CDK6: variants seen among roughly 807,000 people sequenced by gnomAD.
CDK6 encodes cyclin dependent kinase 6.
In CDK6, 6 loss-of-function variants were observed where a neutral mutation model predicts 37.1. The ratio of observed to expected loss-of-function variants is 0.16; its 90% CI spans 0.09 to 0.32. The LOEUF (loss-of-function observed/expected upper bound fraction) is 0.32, where lower values mean the gene tolerates loss of function less well. Among genes scored for constraint, CDK6 ranks in the 10% least tolerant of loss-of-function variants. CDK6 has a pLI of 1.00. For synonymous variants in CDK6, 160 were observed against 161.3 expected, an observed-to-expected ratio of 0.99 and a Z score of 0.06; for missense variants, 224 against 418.9, an observed-to-expected ratio of 0.53 and a Z score of 4.06.
Position 92,835,804 on chromosome 7 carries a change from C to G in CDK6, c.-368+674G>C, listed in dbSNP as rs1480397973. On this transcript the variant is annotated intron_variant, in intron 1 of 7. Coordinates refer to ENST00000424848, the MANE Select transcript of CDK6 (RefSeq NM_001145306.2). This position sits in a 1 kb window ranked among gnomAD's most constrained non-coding sequence, Gnocchi z 4.2. Reference sequence around the variant, plus strand: ...GGGCGCGCTGCGGGGACCAGGGCTGCTCACTGCGGGGCGTGTGTTTAACTC... The same window carrying G: ...GGGCGCGCTGCGGGGACCAGGGCTGGTCACTGCGGGGCGTGTGTTTAACTC... Among the ~76,000 whole-genome samples, 2 of 152,250 alleles carry G rather than the reference C, an allele frequency of 1.3e-5. No homozygotes were observed. Among genetic ancestry groups the G allele is most frequent in the African/African-American group, 2.4e-5 (1 of 41,468 alleles).
intron 2 of CDK6, among the ~76,000 whole-genome samples, chr7:92,807,569 T>C (rs1800760521): frequency 1.3e-5 from 2 of 151,778 alleles, no homozygotes; most frequent in South Asian, 4.1e-4. Context: ...ATATAATAGG[T>C]ATAGATATAA....
At chr7:92,718,256 C>G (rs1798278510) in intron 4 of CDK6, among the ~76,000 whole-genome samples, 1 of 152,178 alleles carries the variant, frequency 6.6e-6, no homozygotes, top group Admixed American at 6.5e-5. Context: ...GTCACAGGAG[C>G]CCTTCCTGCT....
chr7:92,644,250 G>A (rs1796388093), intron 5 of CDK6, among the ~76,000 whole-genome samples: 1 of 152,100 alleles, frequency 6.6e-6, no homozygotes, highest in South Asian at 2.1e-4. Flanking sequence ...GGAGACCTAG[G>A]GTCCCTTTCT....
At chr7:92,799,395 A>C (rs562326987) in intron 2 of CDK6, among the ~76,000 whole-genome samples, 1 of 152,078 alleles carries the variant, frequency 6.6e-6, no homozygotes, top group African/African-American at 2.4e-5. Flanking sequence ...CTTCCCTGAG[A>C]GTTTTCTTTT....
chr7:92,785,148 G>A (rs1800093147), intron 2 of CDK6, among the ~76,000 whole-genome samples: 1 of 152,158 alleles, frequency 6.6e-6, no homozygotes, highest in African/African-American at 2.4e-5. Flanking sequence ...TCCATCAACT[G>A]ATGAATGCAT....
chr7:92,633,982 A>G (rs1293435494), intron 5 of CDK6, among the ~76,000 whole-genome samples: 1 of 152,100 alleles, frequency 6.6e-6, no homozygotes, highest in Non-Finnish European at 1.5e-5. Context: ...CATTTTCTCC[A>G]AGATTATCAC....
chr7:92,705,752 G>A (rs1797950951), intron 4 of CDK6, among the ~76,000 whole-genome samples: 1 of 152,042 alleles, frequency 6.6e-6, no homozygotes. Context: ...ATCCTGAATT[G>A]GGCACTAGAT....
At position 92,833,649 on chromosome 7, in the gene CDK6, A is replaced by G. The variant is rs1191971207; in HGVS notation, c.-326T>C. The G allele has an allele frequency of 1.2e-5, 6 of 496,442 alleles. No homozygotes were observed. The highest frequency in any genetic ancestry group is 1.7e-5 in the Non-Finnish European group (5 of 286,160). 30.8% of individuals were successfully genotyped at this position (496,442 alleles called of 1,614,324 possible). On this transcript the variant is annotated 5_prime_UTR_variant, in exon 2 of 8. The change abolishes an upstream ATG in the 5' untranslated region. Transcript: ENST00000424848. This position sits in a 1 kb window ranked among gnomAD's most constrained non-coding sequence, Gnocchi z 6.1. ...AAGTCCTCAACACAGACACGATTACATAGCCTCTGCCCAAGCGCGTCTCAG... is the reference window on the plus strand; with the variant it reads ...AAGTCCTCAACACAGACACGATTACGTAGCCTCTGCCCAAGCGCGTCTCAG...
intron 3 of CDK6, among the ~76,000 whole-genome samples, chr7:92,762,166 C>T (rs1799472036): frequency 6.6e-6 from 1 of 152,072 alleles, no homozygotes; most frequent in South Asian, 2.1e-4. Flanking sequence ...ATGGGGGGGA[C>T]AAGAATTAGC....
rs73406781 is a variant in CDK6 at position 92,747,191 on chromosome 7, G to A, written c.370-21398C>T. Reference sequence around the variant, plus strand: ...CCTATTTCTGCTTTTCCTTTACTCCGGACAATGAGTAACCAAGTCCTGTCA... The same window carrying A: ...CCTATTTCTGCTTTTCCTTTACTCCAGACAATGAGTAACCAAGTCCTGTCA... On this transcript the variant is annotated intron_variant, in intron 3 of 7. Transcript: ENST00000424848. Among the ~76,000 whole-genome samples, 606 of 152,062 alleles carry A rather than the reference G, an allele frequency of 4.0e-3. 4 individuals are homozygous for A. The highest frequency in any genetic ancestry group is 0.013 in the African/African-American group (559 of 41,460).
At position 92,701,178 on chromosome 7, in the gene CDK6, A is replaced by G. The variant is rs976358581; in HGVS notation, c.537+24448T>C. Among the ~76,000 whole-genome samples the G allele has an allele frequency of 3.3e-5, 5 of 152,230 alleles. No individual in the cohort carries two copies. The East Asian group carries it at 9.6e-4, about 29-fold the overall frequency. On this transcript the variant is annotated intron_variant, in intron 4 of 7. Coordinates refer to ENST00000424848, the MANE Select transcript of CDK6 (RefSeq NM_001145306.2). Reference sequence around the variant, plus strand: ...TGGAACCAGGATCCGGAGAGGATCAAAGTGGATGGGATCAAGCGCCCAGGT... The same window carrying G: ...TGGAACCAGGATCCGGAGAGGATCAGAGTGGATGGGATCAAGCGCCCAGGT...
chr7:92,760,327 TTATCAA>T (rs1334363024), intron 3 of CDK6, among the ~76,000 whole-genome samples: 6 of 152,186 alleles, frequency 3.9e-5, no homozygotes, highest in African/African-American at 1.4e-4. Flanking sequence ...GTTTGCTATT[TTATCAA>T]TATCATCATC....
rs544904605 is a variant in CDK6, at chr7:92,701,928, T to C, written c.537+23698A>G. The stretch of plus-strand genomic sequence containing the variant: ...GAAACTCACTTGCCCTGTGTTATTT[T>C]TGAGCACATACTCGTTGACTGTCTT... On this transcript the variant is annotated intron_variant, in intron 4 of 7. Coordinates refer to ENST00000424848, the MANE Select transcript of CDK6 (RefSeq NM_001145306.2). The C allele has an allele frequency of 3.3e-5, 5 of 152,348 alleles. No individual in the cohort carries two copies. The East Asian group carries it at 7.7e-4, about 24-fold the overall frequency. The allele number at this position is 152,348 out of a possible 1,614,324, so 9.4% of individuals were successfully genotyped here.
At chr7:92,643,541 G>A (rs1226968491) in intron 5 of CDK6, among the ~76,000 whole-genome samples, 6 of 152,162 alleles carry the variant, frequency 3.9e-5, no homozygotes, top group African/African-American at 1.4e-4. Context: ...TGCTGGTGGA[G>A]AATAATAGAA....
At chr7:92,771,350 A>G (rs553663239) in intron 3 of CDK6, among the ~76,000 whole-genome samples, 1 of 151,892 alleles carries the variant, frequency 6.6e-6, no homozygotes, top group Admixed American at 6.5e-5. Context: ...CTCAAAAAAA[A>G]ATAAAAATAT....
rs573662140 is a variant in CDK6, at chr7:92,636,525, T to C, written c.648-13439A>G. Among the ~76,000 whole-genome samples the C allele has an allele frequency of 2.8e-4, 43 of 152,324 alleles. 1 individual carries two copies. Among genetic ancestry groups the C allele is most frequent in the South Asian group, 2.7e-3 (13 of 4,830 alleles). Reference sequence around the variant, plus strand: ...GTACAACTCTCTGTCATATTTTTGATTTTATAACTATAAGAGAAAAATATC... The same window carrying C: ...GTACAACTCTCTGTCATATTTTTGACTTTATAACTATAAGAGAAAAATATC... On this transcript the variant is annotated intron_variant, in intron 5 of 7. Coordinates refer to ENST00000424848, the MANE Select transcript of CDK6 (RefSeq NM_001145306.2).
intron 2 of CDK6, among the ~76,000 whole-genome samples, chr7:92,799,499 T>C (rs1309331255): frequency 6.7e-6 from 1 of 150,256 alleles, no homozygotes; most frequent in Non-Finnish European, 1.5e-5. Context: ...TCCATAGTCT[T>C]TTTTTTTTTC....
chr7:92,616,425 T>C (rs953276963), intron 7 of CDK6, among the ~76,000 whole-genome samples: 14 of 152,196 alleles, frequency 9.2e-5, no homozygotes, highest in African/African-American at 3.4e-4. Context: ...TGATTTATCC[T>C]GAGATCCCCA....
intron 3 of CDK6, among the ~76,000 whole-genome samples, chr7:92,767,908 A>C (rs1372517658): frequency 6.6e-6 from 1 of 152,172 alleles, no homozygotes; most frequent in Non-Finnish European, 1.5e-5. Context: ...TTTTTAAAAA[A>C]AACAGAATGT....
Sources: gnomAD v4.1 joint callset for allele counts (sites outside exome capture counted in the v4.1 genomes callset) on GRCh38, gnomAD v4.1.1 for gene constraint, Gnocchi (gnomAD v3.1) non-coding constraint, MANE v1.5 for transcripts, NCBI Gene and HGNC (gene_info 2026-07-23, HGNC 2026-07-21) for gene names.